Variants in FAF1 observed in about 807,000 individuals in gnomAD.
FAF1 encodes the protein Fas associated factor 1.
FAF1 carries 25 observed loss-of-function variants against 92.5 expected under a neutral mutation model. The ratio of observed to expected loss-of-function variants is 0.27; its 90% CI spans 0.20 to 0.38. The LOEUF is 0.38. FAF1 is among the 10% of genes least tolerant of loss of function. FAF1 has a pLI of 1.00. For missense variants in FAF1, 636 were observed against 793.3 expected (o/e 0.80, Z 2.38); for synonymous variants, 234 against 273.2 (o/e 0.86, Z 1.42).
intron 4 of FAF1, among the ~76,000 whole-genome samples, chr1:50,766,795 A>C (rs1302398984): frequency 1.3e-5 from 2 of 150,172 alleles, no homozygotes; most frequent in East Asian, 1.9e-4. Context: ...AGCAAGCAAA[A>C]AAAAAAAAAA....
chr1:50,491,529 A>G (rs1646839020), intron 16 of FAF1, among the ~76,000 whole-genome samples, 192 bp downstream of exon 16: 2 of 152,230 alleles, frequency 1.3e-5, no homozygotes, highest in African/African-American at 4.8e-5. Flanking sequence ...CTCATTTTTC[A>G]TGAAACAAAC....
chr1:50,458,118 CAGG>C (rs1382805801), intron 18 of FAF1, among the ~76,000 whole-genome samples: 1 of 151,964 alleles, frequency 6.6e-6, no homozygotes, highest in East Asian at 1.9e-4. Context: ...GAGACTGCGG[CAGG>C]AGAATTGCTT....
rs770716644 is a variant in FAF1 at position 50,857,914 on chromosome 1, GA to G, written c.114+14del. ...AAAATTTGATTACTCATCAGAGAAA[GA>G]AAAAAGTACTTACCACTAAGTCCCA... is the stretch of plus-strand genomic sequence containing the variant. On this transcript the variant is annotated intron_variant, in intron 2 of 18. Transcript: ENST00000396153. 4.5e-6 allele frequency: 7 copies of G among 1,542,630 alleles called. No homozygotes were observed. In the South Asian group the frequency reaches 7.2e-5, roughly 16 times the overall value.
intron 13 of FAF1, among the ~76,000 whole-genome samples, chr1:50,552,336 A>G (rs937597581): frequency 2.6e-5 from 4 of 151,956 alleles, no homozygotes; most frequent in Admixed American, 2.6e-4. Context: ...GGGTTTAAGC[A>G]ACTCACCCAC....
intron 1 of FAF1, among the ~76,000 whole-genome samples, chr1:50,948,139 G>T (rs1042000209): frequency 6.6e-6 from 1 of 152,218 alleles, no homozygotes; most frequent in Admixed American, 6.5e-5. Context: ...AAGGTAGGAG[G>T]TGGTTTTTGA....
At chr1:50,632,666 C>T (rs891375395) in intron 8 of FAF1, among the ~76,000 whole-genome samples, 1 of 152,128 alleles carries the variant, frequency 6.6e-6, no homozygotes, top group African/African-American at 2.4e-5. Flanking sequence ...TTCTTCTTGA[C>T]ATTTTTTGTT....
At chr1:50,822,976 G>A (rs575428877) in intron 2 of FAF1, among the ~76,000 whole-genome samples, 5 of 152,126 alleles carry the variant, frequency 3.3e-5, no homozygotes, top group Admixed American at 6.5e-5. Context: ...GTTTCTCCAC[G>A]TTGGTGAGGC....
chr1:50,804,187 A>G (rs577391563), intron 2 of FAF1, among the ~76,000 whole-genome samples: 2 of 152,346 alleles, frequency 1.3e-5, no homozygotes, highest in African/African-American at 4.8e-5. Flanking sequence ...CCTTCTACGT[A>G]GGACCAAGTA....
chr1:50,494,979 AT>A (rs904729103), intron 15 of FAF1, among the ~76,000 whole-genome samples: 17 of 152,148 alleles, frequency 1.1e-4, no homozygotes, highest in African/African-American at 3.6e-4. Context: ...AGTTAAAAAA[AT>A]TTTTTTTGAG....
At chr1:50,832,076 G>A (rs1644160312) in intron 2 of FAF1, among the ~76,000 whole-genome samples, 1 of 151,992 alleles carries the variant, frequency 6.6e-6, no homozygotes, top group Admixed American at 6.6e-5. Context: ...AGGAAAATAA[G>A]TTCAGGGTTC....
intron 7 of FAF1, among the ~76,000 whole-genome samples, chr1:50,701,638 G>C (rs944528385): frequency 2.0e-5 from 3 of 152,080 alleles, no homozygotes; most frequent in Non-Finnish European, 4.4e-5. Flanking sequence ...TCCGACGTTA[G>C]GTTCAAATGC....
intron 7 of FAF1, among the ~76,000 whole-genome samples, chr1:50,681,329 G>C (rs1404574898): frequency 6.6e-6 from 1 of 152,156 alleles, no homozygotes; most frequent in Non-Finnish European, 1.5e-5. Context: ...TTACAGGCAT[G>C]AGTCACTGTG....
At chr1:50,594,794 C>G (rs899876186) in intron 9 of FAF1, among the ~76,000 whole-genome samples, 1 of 150,606 alleles carries the variant, frequency 6.6e-6, no homozygotes, top group Non-Finnish European at 1.5e-5. Flanking sequence ...TCGCTTGAAC[C>G]TGGGAGGTGG....
chr1:50,775,872 G>A (rs752573734), intron 4 of FAF1, among the ~76,000 whole-genome samples: 1 of 152,066 alleles, frequency 6.6e-6, no homozygotes, highest in Non-Finnish European at 1.5e-5. Context: ...CCTTAAGTAT[G>A]CCTTCCCTAG....
At chr1:50,673,956 CT>C (rs111330709) in intron 7 of FAF1, among the ~76,000 whole-genome samples, 262 of 143,238 alleles carry the variant, frequency 1.8e-3, no homozygotes, top group Middle Eastern at 3.6e-3. Context: ...GACTCTGAGG[CT>C]TTTTTTTTTT....
intron 6 of FAF1, among the ~76,000 whole-genome samples, chr1:50,734,194 T>C (rs769991886): frequency 6.6e-6 from 1 of 152,222 alleles, no homozygotes; most frequent in Non-Finnish European, 1.5e-5. Flanking sequence ...GTATCTTACC[T>C]TGACTTCTCC....
intron 4 of FAF1, among the ~76,000 whole-genome samples, chr1:50,787,276 T>C (rs1159642741): frequency 6.6e-6 from 1 of 152,176 alleles, no homozygotes; most frequent in Non-Finnish European, 1.5e-5. Context: ...AAACATAGTG[T>C]GATGGTTTGA....
At chr1:50,786,079 C>T (rs558978560) in intron 4 of FAF1, among the ~76,000 whole-genome samples, 5 of 152,076 alleles carry the variant, frequency 3.3e-5, no homozygotes, top group African/African-American at 1.2e-4. Flanking sequence ...CTACAGTGAG[C>T]CGCGATCACG....
At chr1:50,453,831 T>C (rs1253739577) in intron 18 of FAF1, among the ~76,000 whole-genome samples, 1 of 152,204 alleles carries the variant, frequency 6.6e-6, no homozygotes, top group East Asian at 1.9e-4. Flanking sequence ...GTATTCCCTA[T>C]CAGTTTAGTT....
Sources: gnomAD v4.1 joint callset for allele counts (sites outside exome capture counted in the v4.1 genomes callset) on GRCh38, gnomAD v4.1.1 for gene constraint, MANE v1.5 for transcripts, NCBI Gene and HGNC (gene_info 2026-07-23, HGNC 2026-07-21) for gene names.